The following EFR3A variants were observed in gnomAD, a reference collection of about 807,000 sequenced individuals.
EFR3A encodes protein EFR3 homolog A.
Under a neutral mutation model 104.4 loss-of-function variants are expected in EFR3A, and 76 were observed. The ratio of observed to expected loss-of-function variants is 0.73; its 90% CI spans 0.60 to 0.88. EFR3A has a LOEUF of 0.88. Ranked by LOEUF, EFR3A falls within the 40% of genes least tolerant of loss-of-function variation. The pLI is 0.00. For missense variants in EFR3A, 985 were observed against 1,012.5 expected (o/e 0.97, Z 0.37); for synonymous variants, 330 against 330.0 (o/e 1.00, Z 0.00).
intron 10 of EFR3A, among the ~76,000 whole-genome samples, chr8:131,974,398 TTA>T (rs1364446536): frequency 5.9e-5 from 9 of 152,190 alleles, no homozygotes; most frequent in Non-Finnish European, 1.0e-4. Context: ...GCAGGGTACT[TTA>T]TGTCCTTGTG....
At chr8:131,941,353 C>CA (rs1263983057) in intron 2 of EFR3A, among the ~76,000 whole-genome samples, 2 of 152,032 alleles carry the variant, frequency 1.3e-5, no homozygotes, top group East Asian at 3.9e-4. Context: ...AAAAAAGTTA[C>CA]ATGGCTTTTG....
intron 5 of EFR3A, among the ~76,000 whole-genome samples, chr8:131,950,647 C>T (rs1357232305): frequency 6.6e-6 from 1 of 152,056 alleles, no homozygotes; most frequent in African/African-American, 2.4e-5. Context: ...AATATAAATT[C>T]CAGGAGCGTG....
At position 131,937,682 on chromosome 8, in the gene EFR3A, G is replaced by A. The variant is rs115073933; in HGVS notation, c.11-2817G>A. Among the ~76,000 whole-genome samples, 994 of 152,100 alleles carry A rather than the reference G, an allele frequency of 6.5e-3. 10 individuals carry two copies. Among genetic ancestry groups the A allele is most frequent in the African/African-American group, 0.022 (920 of 41,518 alleles). On this transcript the variant is annotated intron_variant, in intron 1 of 22. Coordinates refer to ENST00000254624, the MANE Select transcript of EFR3A (RefSeq NM_015137.6). ...CAAAGGCACTAGACATACAATTGGG[G>A]AAAAGAACTACAATATAGAATTAAA...
intron 2 of EFR3A, among the ~76,000 whole-genome samples, chr8:131,944,213 A>G (rs931082405): frequency 7.9e-5 from 12 of 152,094 alleles, no homozygotes; most frequent in Non-Finnish European, 7.4e-5. Flanking sequence ...ACCGTTTTAT[A>G]ATCCCATATC....
chr8:131,971,603 G>A lies in EFR3A; in HGVS notation c.1159+960G>A, dbSNP rs185453084. On this transcript the variant is annotated intron_variant, in intron 10 of 22. Coordinates refer to ENST00000254624, the MANE Select transcript of EFR3A (RefSeq NM_015137.6). ...CGCGGGAGGCTGAGGCAGGAGCATG[G>A]CGTGAACCCGGGAGGCAGAGCTTGC... Among the ~76,000 whole-genome samples the A allele has an allele frequency of 2.2e-3, 333 of 151,988 alleles. 1 individual carries two copies. The highest frequency in any genetic ancestry group is 3.9e-3 in the Admixed American group (59 of 15,280).
rs569304933 is a variant in EFR3A at position 131,962,701 on chromosome 8, G to C, written c.855+3038G>C. ...CAAGGATATCCAGGAATTGAACTCAGCTCTGCACCAAGTGGACCTAATAGA... is the reference window on the plus strand; with the variant it reads ...CAAGGATATCCAGGAATTGAACTCACCTCTGCACCAAGTGGACCTAATAGA... On this transcript the variant is annotated intron_variant, in intron 8 of 22. Transcript: ENST00000254624. Among the ~76,000 whole-genome samples, 17 of 152,272 alleles carry C rather than the reference G, an allele frequency of 1.1e-4. No homozygotes were observed. In the East Asian group the frequency reaches 2.3e-3, roughly 21 times the overall value.
chr8:131,916,868 T>G (rs555589148), intron 1 of EFR3A, among the ~76,000 whole-genome samples: 1 of 152,328 alleles, frequency 6.6e-6, no homozygotes, highest in African/African-American at 2.4e-5. Context: ...TTTTTAAGCT[T>G]TAGGACTTAA....
intron 19 of EFR3A, among the ~76,000 whole-genome samples, chr8:131,999,033 TG>T (rs1332749207): frequency 1.3e-5 from 2 of 152,120 alleles, no homozygotes; most frequent in Non-Finnish European, 2.9e-5. Context: ...CATGATTTTT[TG>T]CTTCCTTATA....
chr8:131,967,684 A>G (rs569401469), intron 8 of EFR3A, among the ~76,000 whole-genome samples: 2 of 151,116 alleles, frequency 1.3e-5, no homozygotes, highest in Admixed American at 6.6e-5. Context: ...TTTTATTTAT[A>G]TGTGATAAAG....
At chr8:131,960,917 C>T (rs988946125) in intron 8 of EFR3A, among the ~76,000 whole-genome samples, 5 of 152,198 alleles carry the variant, frequency 3.3e-5, no homozygotes, top group African/African-American at 4.8e-5. Flanking sequence ...ATTCACTGTT[C>T]TGCAGCCTCC....
intron 5 of EFR3A, among the ~76,000 whole-genome samples, chr8:131,952,596 A>G (rs575374567): frequency 6.6e-6 from 1 of 152,022 alleles, no homozygotes; most frequent in East Asian, 1.9e-4. Context: ...AGCAGCAGGT[A>G]TGTAAAGCAG....
At chr8:131,943,780 G>T (rs184108883) in intron 2 of EFR3A, among the ~76,000 whole-genome samples, 18 of 152,100 alleles carry the variant, frequency 1.2e-4, no homozygotes, top group Admixed American at 7.9e-4. Flanking sequence ...ACCTGGTTAA[G>T]ATCTACTGGC....
At chr8:131,973,754 A>G (rs1375453310) in intron 10 of EFR3A, among the ~76,000 whole-genome samples, 1 of 152,278 alleles carries the variant, frequency 6.6e-6, no homozygotes, top group Middle Eastern at 3.4e-3. Flanking sequence ...AAAATAGTGA[A>G]GAACATAGCT....
intron 18 of EFR3A, among the ~76,000 whole-genome samples, chr8:131,993,722 C>T (rs1821328508): frequency 6.6e-6 from 1 of 151,540 alleles, no homozygotes; most frequent in Non-Finnish European, 1.5e-5. Context: ...AAAAAAAATA[C>T]CCCATCTCTG....
intron 10 of EFR3A, among the ~76,000 whole-genome samples, chr8:131,972,473 C>G (rs1241129590): frequency 1.4e-5 from 2 of 142,600 alleles, no homozygotes; most frequent in African/African-American, 5.2e-5. Context: ...TTTTTTTTTT[C>G]CTGTCTGTAG....
At chr8:131,987,165 T>C (rs749087090) in intron 17 of EFR3A, among the ~76,000 whole-genome samples, 86 of 152,174 alleles carry the variant, frequency 5.7e-4, no homozygotes, top group Non-Finnish European at 1.0e-3. Flanking sequence ...AGTACTTCCT[T>C]ACACTTAGCT....
chr8:131,996,896 A>G (rs1297416874), intron 19 of EFR3A, among the ~76,000 whole-genome samples: 1 of 152,130 alleles, frequency 6.6e-6, no homozygotes, highest in Admixed American at 6.6e-5. Context: ...AAATAGAACT[A>G]TACATCCTCA....
intron 8 of EFR3A, among the ~76,000 whole-genome samples, chr8:131,963,329 C>G (rs1819509178): frequency 6.6e-6 from 1 of 152,024 alleles, no homozygotes; most frequent in South Asian, 2.1e-4. Flanking sequence ...GCTAGCAAGA[C>G]TAATACAGAA....
At chr8:131,951,272 T>A (rs1195678153) in intron 5 of EFR3A, among the ~76,000 whole-genome samples, 1 of 152,146 alleles carries the variant, frequency 6.6e-6, no homozygotes, top group Non-Finnish European at 1.5e-5. Flanking sequence ...CTGGTATGAT[T>A]TTTGCTCAGT....
Sources: allele counts gnomAD v4.1 joint callset (sites outside exome capture counted in the v4.1 genomes callset), GRCh38; gene constraint gnomAD v4.1.1; transcripts MANE v1.5; gene names NCBI Gene and HGNC (gene_info 2026-07-23, HGNC 2026-07-21).